FBXL2: variants seen among roughly 807,000 people sequenced by gnomAD.
FBXL2 encodes F-box and leucine rich repeat protein 2, also known as F-box/LRR-repeat protein 2.
In FBXL2, 38 loss-of-function variants were observed where a neutral mutation model predicts 69.2. The observed-to-expected ratio is 0.55, with a 90% confidence interval of 0.42 to 0.72. The LOEUF (loss-of-function observed/expected upper bound fraction) is 0.72, where lower values mean the gene tolerates loss of function less well. Among genes scored for constraint, FBXL2 ranks in the 30% least tolerant of loss-of-function variants. The pLI, the probability that FBXL2 is intolerant of heterozygous loss-of-function variation, is 0.00. For synonymous variants in FBXL2, 192 were observed against 201.3 expected (o/e 0.95, Z 0.39); for missense variants, 354 against 520.3 (o/e 0.68, Z 3.11).
chr3:33,307,136 A>G (rs935599259), intron 2 of FBXL2, among the ~76,000 whole-genome samples: 1 of 152,170 alleles, frequency 6.6e-6, no homozygotes, highest in Non-Finnish European at 1.5e-5. Context: ...TAACTATAAT[A>G]GGGCAGTCTG....
chr3:33,363,916 T>C (rs1157757271), intron 4 of FBXL2, among the ~76,000 whole-genome samples: 1 of 152,156 alleles, frequency 6.6e-6, no homozygotes, highest in Admixed American at 6.5e-5. Context: ...TGCAGTGAGC[T>C]ATGACCACAT....
At chr3:33,400,366 T>G in intron 12 of FBXL2, 1 of 1,128,352 alleles carries the variant, frequency 8.9e-7, no homozygotes. Flanking sequence ...CCTCGGAGTC[T>G]GAAGTAAAAA....
intron 14 of FBXL2, among the ~76,000 whole-genome samples, chr3:33,384,756 T>G (rs560399731): frequency 2.2e-4 from 33 of 151,484 alleles, no homozygotes; most frequent in Non-Finnish European, 4.1e-4. Flanking sequence ...AAAGCCTATG[T>G]TGGGATGGGC....
chr3:33,394,422 C>T (rs536433760), intron 12 of FBXL2, among the ~76,000 whole-genome samples: 1 of 151,860 alleles, frequency 6.6e-6, no homozygotes, highest in Non-Finnish European at 1.5e-5. Flanking sequence ...TGTATATGCC[C>T]CTCCCCCACA....
At chr3:33,407,839 T>G (rs2044468212), downstream of FBXL2, among the ~76,000 whole-genome samples, 1 of 152,252 alleles carries the variant, frequency 6.6e-6, no homozygotes, top group Non-Finnish European at 1.5e-5. Flanking sequence ...GACAATTATT[T>G]TAAATGATTC....
chr3:33,298,073 G>A, intron 2 of FBXL2: 1 of 257,610 alleles, frequency 3.9e-6, no homozygotes, highest in Non-Finnish European at 7.6e-6. Context: ...AGCTCCTGAA[G>A]TCATAAAGTT....
intron 2 of FBXL2, among the ~76,000 whole-genome samples, chr3:33,355,878 A>G (rs920103331): frequency 2.0e-5 from 3 of 152,074 alleles, no homozygotes; most frequent in Admixed American, 2.0e-4. Flanking sequence ...CATTACTTTT[A>G]CTCGTCGAAA....
intron 2 of FBXL2, among the ~76,000 whole-genome samples, chr3:33,346,733 A>T (rs1016990991): frequency 3.3e-5 from 5 of 152,170 alleles, no homozygotes; most frequent in Admixed American, 3.3e-4. Flanking sequence ...GAACTGAAGT[A>T]CCAAGATCAA....
In FBXL2 at chr3:33,350,343, C is replaced by T. The variant is rs367934920; in HGVS notation, c.66-8624C>T. Among the ~76,000 whole-genome samples, 91 of 150,628 alleles carry T rather than the reference C, an allele frequency of 6.0e-4. 1 individual carries two copies. In the South Asian group the frequency reaches 0.016, roughly 27 times the overall value. ...TATTTGGCAAATTGTGGCACCCACT[C>T]GTGATAAAAATACTTATCAGACTAG... On this transcript the variant is annotated intron_variant, in intron 2 of 14. Coordinates refer to ENST00000484457, the MANE Select transcript of FBXL2 (RefSeq NM_012157.5).
the FBXL2 span, among the ~76,000 whole-genome samples, chr3:33,410,171 A>C: frequency 1.3e-5 from 2 of 152,206 alleles, no homozygotes; most frequent in East Asian, 3.8e-4. Context: ...TTCAAAGTCC[A>C]TTCAGGATCC....
intron 1 of FBXL2, among the ~76,000 whole-genome samples, chr3:33,279,323 T>G (rs2033698965): frequency 1.3e-5 from 2 of 151,592 alleles, no homozygotes; most frequent in African/African-American, 2.4e-5. Context: ...CAGGCTGGAG[T>G]GCAGTGGTGC....
chr3:33,279,083 G>C (rs1409661314), intron 1 of FBXL2, among the ~76,000 whole-genome samples: 24 of 152,066 alleles, frequency 1.6e-4, no homozygotes, highest in Non-Finnish European at 2.9e-5. Flanking sequence ...CTGTAGTTTT[G>C]TATTAGTGGT....
intron 2 of FBXL2, among the ~76,000 whole-genome samples, chr3:33,331,408 T>C (rs564468708): frequency 1.3e-5 from 2 of 152,174 alleles, no homozygotes; most frequent in South Asian, 4.2e-4. Context: ...ATGAGGTCTT[T>C]GAGCCTGAGG....
At chr3:33,321,585 G>A (rs573281726) in intron 2 of FBXL2, among the ~76,000 whole-genome samples, 38 of 152,152 alleles carry the variant, frequency 2.5e-4, no homozygotes, top group Non-Finnish European at 4.7e-4. Context: ...ATGGAGATAC[G>A]TCCTCAGAAA....
At chr3:33,420,563 ACTGCAAC>A in the FBXL2 span, among the ~76,000 whole-genome samples, 3 of 145,330 alleles carry the variant, frequency 2.1e-5, no homozygotes, top group Non-Finnish European at 4.4e-5. Flanking sequence ...ATCTTGGCTC[ACTGCAAC>A]CTCCGCCTCC....
chr3:33,292,150 C>A (rs150901933), intron 1 of FBXL2, among the ~76,000 whole-genome samples: 35 of 152,268 alleles, frequency 2.3e-4, no homozygotes, highest in Middle Eastern at 3.4e-3. Flanking sequence ...AAGGCCGAGG[C>A]AGGTGGATCA....
chr3:33,316,382 T>C (rs2037695235), intron 2 of FBXL2, among the ~76,000 whole-genome samples: 4 of 152,122 alleles, frequency 2.6e-5, no homozygotes, highest in Non-Finnish European at 4.4e-5. Context: ...TCCTGCGTAA[T>C]GTTTTTATTC....
chr3:33,296,291 C>A (rs1446852113), intron 1 of FBXL2, among the ~76,000 whole-genome samples: 1 of 152,172 alleles, frequency 6.6e-6, no homozygotes, highest in African/African-American at 2.4e-5. Flanking sequence ...GTCTTGAACT[C>A]CCAACCTCAA....
chr3:33,313,122 GAAA>G (rs200519700), intron 2 of FBXL2, among the ~76,000 whole-genome samples: 1 of 126,794 alleles, frequency 7.9e-6, no homozygotes. Context: ...CCGTCTCCAA[GAAA>G]AAAAAAAAAA....
Sources: allele counts gnomAD v4.1 joint callset (sites outside exome capture counted in the v4.1 genomes callset), GRCh38; gene constraint gnomAD v4.1.1; transcripts MANE v1.5; gene names NCBI Gene and HGNC (gene_info 2026-07-23, HGNC 2026-07-21).